INTS5: variants seen among roughly 807,000 people sequenced by gnomAD.
INTS5 encodes the protein KIAA1698.
INTS5 carries 29 observed loss-of-function variants against 60.0 expected under a neutral mutation model. That is an observed-to-expected ratio of 0.48 (90% confidence interval 0.36 to 0.66). INTS5 has a LOEUF of 0.66. Ranked by LOEUF, INTS5 falls within the 30% of genes least tolerant of loss-of-function variation. INTS5 has a pLI of 0.00. For synonymous variants in INTS5, 588 were observed against 558.8 expected (o/e 1.05, Z -0.74); for missense variants, 1,129 against 1,307.9 (o/e 0.86, Z 2.11).
At position 62,647,790 on chromosome 11, in the gene INTS5, C is replaced by T; in HGVS notation, c.2290G>A (p.Val764Ile). The part of the protein sequence containing the change: ...IGRGLKPPKF[V>I]QSRNQQEVIY... ...ACTTCCTGCTGATTTCGTGACTGGA[C>T]AAACTTGGGTGGCTTTAAGCCACGG... Residue 764 changes from valine (V) to isoleucine (I), a missense_variant, in exon 2 of 2, where the codon GTC becomes ATC. Physicochemically the swap from Val to Ile is conservative, Grantham distance 29. This residue lies in a region of INTS5 where 1,070 missense variants were observed against 1,246.1 expected (regional missense o/e 0.86). Coordinates refer to ENST00000330574, the MANE Select transcript of INTS5 (RefSeq NM_030628.2). The T allele has an allele frequency of 1.2e-6, 2 of 1,614,206 alleles. No homozygotes were observed. The highest frequency in any genetic ancestry group is 1.1e-5 in the South Asian group (1 of 91,086).
Position 62,647,039 on chromosome 11 carries a change from A to G in INTS5, c.3041T>C (p.Leu1014Pro), listed in dbSNP as rs1944520964. 2 of 1,612,040 alleles carry G rather than the reference A, an allele frequency of 1.2e-6. No individual in the cohort carries two copies. The highest frequency in any genetic ancestry group is 1.7e-5 in the Admixed American group (1 of 59,912). The stretch of plus-strand genomic sequence containing the variant: ...AAAAGGCTACGTCCCCTGTCGAAGG[A>G]GAGTGGACGGTGAAGGTGCCTGGAA... Reference protein sequence around the residue: ...GRFQAPSPSTLLRQGT With the variant: ...GRFQAPSPSTPLRQGT The change falls in exon 2 of 2, where the codon CTC becomes CCC. Residue 1014 changes from leucine to proline, a missense_variant. Leu to Pro is a moderately conservative substitution (Grantham distance 98, BLOSUM62 -3). Around this residue, in one of 3 missense-constraint regions of INTS5, gnomAD observed 1,070 missense variants for 1,246.1 expected, o/e 0.86. Coordinates refer to ENST00000330574, the MANE Select transcript of INTS5 (RefSeq NM_030628.2).
rs1590837321 is a variant in INTS5, at chr11:62,648,333, C to G, written c.1747G>C (p.Gly583Arg). 1.2e-6 allele frequency: 2 copies of G among 1,613,972 alleles called. No homozygotes were observed. The highest frequency in any genetic ancestry group is 2.2e-5 in the South Asian group (2 of 91,084). The stretch of plus-strand genomic sequence containing the variant: ...CCCTCGCCACCCTGCTGTTCCCACC[C>G]TACTAGCAGTGCCAAGTTGCGCAGG... ...RFLRNLALLV[G>R]WEQQGGEGPA... Residue 583 changes from glycine (G) to arginine (R), a missense_variant, in exon 2 of 2, where the codon GGG becomes CGG. Transcript: ENST00000330574. This position sits in a 1 kb window ranked among gnomAD's most constrained non-coding sequence, Gnocchi z 4.4.
In INTS5 at chr11:62,648,986, G is replaced by A; in HGVS notation, c.1094C>T (p.Pro365Leu). The A allele has an allele frequency of 6.2e-7, 1 of 1,613,342 alleles. No homozygotes were observed. The highest frequency in any genetic ancestry group is 8.5e-7 in the Non-Finnish European group (1 of 1,179,744). The change falls in exon 2 of 2, where the codon CCC becomes CTC. Residue 365 changes from proline to leucine, a missense_variant. By Grantham distance (98) the Pro-to-Leu change is moderately conservative. Transcript: ENST00000330574. The surrounding 1 kb of genome is among the most constrained non-coding windows in gnomAD (Gnocchi z 4.4). ...CTGCAGCTGGCTCAGCACAGCTGGG[G>A]GCTTGAGGCAATCCACAAGCTCTCC... is the stretch of plus-strand genomic sequence containing the variant. ...VSGELVDCLK[P>L]PAVLSQLQQH...
At position 62,648,310 on chromosome 11, in the gene INTS5, C is replaced by G; in HGVS notation, c.1770G>C (p.Glu590Asp). The G allele has an allele frequency of 6.2e-7, 1 of 1,613,916 alleles. No individual in the cohort carries two copies. Among genetic ancestry groups the G allele is most frequent in the East Asian group, 2.2e-5 (1 of 44,884 alleles). ...LLVGWEQQGGEGPAALGAHFG... is the reference protein window; with the variant it reads ...LLVGWEQQGGDGPAALGAHFG... ...AGTGCGCCCCTAGGGCTGCAGGGCC[C>G]TCGCCACCCTGCTGTTCCCACCCTA... Residue 590 changes from glutamate to aspartate, a missense_variant, in exon 2 of 2, where the codon GAG becomes GAC. Coordinates refer to ENST00000330574, the MANE Select transcript of INTS5 (RefSeq NM_030628.2). The surrounding 1 kb of genome is among the most constrained non-coding windows in gnomAD (Gnocchi z 4.4).
Position 62,649,105 on chromosome 11 carries a change from A to C in INTS5, c.975T>G (p.Ser325=), listed in dbSNP as rs766274476. Residue 325 remains serine (S), a synonymous_variant, in exon 2 of 2, where the codon TCT becomes TCG. Coordinates refer to ENST00000330574, the MANE Select transcript of INTS5 (RefSeq NM_030628.2). This position sits in a 1 kb window ranked among gnomAD's most constrained non-coding sequence, Gnocchi z 6.0. ...RMFHDSLAGG[S]GGRSGDPSLQ... ...GGGAGGGGTCCCCACTGCGGCCTCC[A>C]GATCCCCCTGCCAGGCTATCATGGA... 1.7e-5 allele frequency: 28 copies of C among 1,611,012 alleles called. No homozygotes were observed. Among genetic ancestry groups the C allele is most frequent in the Middle Eastern group, 1.7e-4 (1 of 6,054 alleles).
Position 62,647,013 on chromosome 11 carries a change from G to C in INTS5, c.*7C>G, listed in dbSNP as rs770300596. ...CAACCTCCCTGGGCTTCCAGAGCAA[G>C]AAAAGGCTACGTCCCCTGTCGAAGG... On this transcript the variant is annotated 3_prime_UTR_variant, in exon 2 of 2. Coordinates refer to ENST00000330574, the MANE Select transcript of INTS5 (RefSeq NM_030628.2). 2 of 1,601,506 alleles carry C rather than the reference G, an allele frequency of 1.2e-6. No individual in the cohort carries two copies. Among genetic ancestry groups the C allele is most frequent in the East Asian group, 2.2e-5 (1 of 44,612 alleles).
chr11:62,652,372 C>A (rs1327193926), intron 1 of INTS5, among the ~76,000 whole-genome samples: 1 of 151,644 alleles, frequency 6.6e-6, no homozygotes, highest in Non-Finnish European at 1.5e-5. Context: ...TACCACCACC[C>A]CCGCCCCGCC....
In INTS5 at chr11:62,647,990, A is replaced by G. The variant is rs1944549618; in HGVS notation, c.2090T>C (p.Leu697Ser). 6.2e-7 allele frequency: 1 copy of G among 1,614,182 alleles called. No homozygotes were observed. Among genetic ancestry groups the G allele is most frequent in the East Asian group, 2.2e-5 (1 of 44,888 alleles). The stretch of plus-strand genomic sequence containing the variant: ...AAACAGTTCTGTGTTGCCTCGATGT[A>G]AGGCTCCTTCAACCAGCAGCTGCAG... ...AVLQLLVEGA[L>S]HRGNTELFGG... The change falls in exon 2 of 2, where the codon TTA becomes TCA. Residue 697 changes from leucine (L) to serine (S), a missense_variant. Physicochemically the swap from Leu to Ser is moderately radical, Grantham distance 145 (BLOSUM62 -2). Transcript: ENST00000330574.
chr11:62,650,070 G>A lies in INTS5; in HGVS notation c.81-71C>T, dbSNP rs549510230. On this transcript the variant is annotated intron_variant, in intron 1 of 1. Transcript: ENST00000330574. Reference sequence around the variant, plus strand: ...TAGGCAACTTACCTTTCCTGTATGAGCTTTGCCTTTTATGTTAAATAGGGA... The same window carrying A: ...TAGGCAACTTACCTTTCCTGTATGAACTTTGCCTTTTATGTTAAATAGGGA... 5 of 1,249,806 alleles carry A rather than the reference G, an allele frequency of 4.0e-6. No individual in the cohort carries two copies. The East Asian group carries it at 1.2e-4, about 30-fold the overall frequency. The allele number at this position is 1,249,806 out of a possible 1,614,324, so 77.4% of individuals were successfully genotyped here.
rs761353889 is a variant in INTS5, at chr11:62,648,989, T to C, written c.1091A>G (p.Lys364Arg). 10 of 1,613,354 alleles carry C rather than the reference T, an allele frequency of 6.2e-6. No individual in the cohort carries two copies. The highest frequency in any genetic ancestry group is 5.5e-5 in the South Asian group (5 of 91,062). ...TVSGELVDCL[K>R]PPAVLSQLQQ... is the part of the protein sequence containing the mutation. ...CAGCTGGCTCAGCACAGCTGGGGGC[T>C]TGAGGCAATCCACAAGCTCTCCAGA... Residue 364 changes from lysine (K) to arginine (R), a missense_variant, in exon 2 of 2, where the codon AAG (lysine) becomes AGG (arginine). This residue lies in a region of INTS5 where 1,070 missense variants were observed against 1,246.1 expected (regional missense o/e 0.86). Transcript: ENST00000330574. This position sits in a 1 kb window ranked among gnomAD's most constrained non-coding sequence, Gnocchi z 4.4.
intron 1 of INTS5, among the ~76,000 whole-genome samples, chr11:62,650,406 G>A (rs1046290308): frequency 3.3e-5 from 5 of 151,370 alleles, no homozygotes; most frequent in African/African-American, 7.3e-5. Context: ...GTGAGCCACC[G>A]CGCCCGGCCT....
Position 62,649,611 on chromosome 11 carries a change from T to G in INTS5, c.469A>C (p.Ser157Arg). The G allele has an allele frequency of 6.2e-7, 1 of 1,614,188 alleles. No individual in the cohort carries two copies. The highest frequency in any genetic ancestry group is 8.5e-7 in the Non-Finnish European group (1 of 1,180,032). The change falls in exon 2 of 2, where the codon AGC becomes CGC. Residue 157 changes from serine (S) to arginine (R), a missense_variant. By Grantham distance (110) the Ser-to-Arg change is moderately radical. This residue lies in a region of INTS5 where 1,070 missense variants were observed against 1,246.1 expected (regional missense o/e 0.86). Transcript: ENST00000330574. The surrounding 1 kb of genome is among the most constrained non-coding windows in gnomAD (Gnocchi z 6.0). ...WSIDLMGQLSSTYSGQHQRVP... is the reference protein window; with the variant it reads ...WSIDLMGQLSRTYSGQHQRVP... ...CGCTGGTGCTGGCCTGAGTACGTGC[T>G]GCTCAGTTGCCCCATGAGGTCAATG... is the stretch of plus-strand genomic sequence containing the variant.
Position 62,649,277 on chromosome 11 carries a change from G to A in INTS5, c.803C>T (p.Ser268Phe). The part of the protein sequence containing the change: ...GGAGSSGGSS[S>F]QTPSTDPFPG... ...GAAGGGGTCTGTAGAGGGGGTCTGA[G>A]AAGAGCTTCCACCACTACTGCCAGC... Residue 268 changes from serine (S) to phenylalanine (F), a missense_variant, in exon 2 of 2, where the codon TCT becomes TTT. Physicochemically the swap from Ser to Phe is radical, Grantham distance 155. Around this residue, in one of 3 missense-constraint regions of INTS5, gnomAD observed 1,070 missense variants for 1,246.1 expected, o/e 0.86. Transcript: ENST00000330574. This position sits in a 1 kb window ranked among gnomAD's most constrained non-coding sequence, Gnocchi z 6.0. 1 of 1,614,132 alleles carries A rather than the reference G, an allele frequency of 6.2e-7. No homozygotes were observed. The highest frequency in any genetic ancestry group is 8.5e-7 in the Non-Finnish European group (1 of 1,180,008).
rs371852410 is a variant in INTS5, at chr11:62,649,558, A to G, written c.522T>C (p.Asn174=). 6.9e-5 allele frequency: 111 copies of G among 1,614,088 alleles called. No individual in the cohort carries two copies. Among genetic ancestry groups the G allele is most frequent in the Non-Finnish European group, 9.0e-5 (106 of 1,180,030 alleles). ...QRVPHATGAL[N]ELLQLWMGCR... ...AACCCATCCACAGCTGTAGCAGTTC[A>G]TTAAGAGCGCCAGTAGCGTGGGGAA... Residue 174 remains asparagine (N), a synonymous_variant, in exon 2 of 2, where the codon AAT becomes AAC. Coordinates refer to ENST00000330574, the MANE Select transcript of INTS5 (RefSeq NM_030628.2). The surrounding 1 kb of genome is among the most constrained non-coding windows in gnomAD (Gnocchi z 6.0).
Position 62,648,796 on chromosome 11 carries a change from T to C in INTS5, c.1284A>G (p.Pro428=). 1.2e-6 allele frequency: 2 copies of C among 1,614,164 alleles called. No homozygotes were observed. The highest frequency in any genetic ancestry group is 1.7e-6 in the Non-Finnish European group (2 of 1,180,038). ...GGTCACAAGCCTCACGCACGGTGTC[T>C]GGCACAGCCAGGCCCTGGGTGGTAA... ...SVITTQGLAV[P]DTVREACDRL... Residue 428 remains proline (P), a synonymous_variant, in exon 2 of 2, where the codon CCA becomes CCG. Coordinates refer to ENST00000330574, the MANE Select transcript of INTS5 (RefSeq NM_030628.2). This position sits in a 1 kb window ranked among gnomAD's most constrained non-coding sequence, Gnocchi z 4.4.
Position 62,649,675 on chromosome 11 carries a change from G to T in INTS5, c.405C>A (p.Ala135=). 9 of 1,614,216 alleles carry T rather than the reference G, an allele frequency of 5.6e-6. No homozygotes were observed. The highest frequency in any genetic ancestry group is 7.6e-6 in the Non-Finnish European group (9 of 1,180,042). The change falls in exon 2 of 2, where the codon GCC becomes GCA. Residue 135 remains alanine (A), a synonymous_variant. Transcript: ENST00000330574. This position sits in a 1 kb window ranked among gnomAD's most constrained non-coding sequence, Gnocchi z 6.0. Reference sequence around the variant, plus strand: ...TCACAGGTGCCCAGGCCTTTGGGTTGGCCCGGATAAACTCAGACAGCACCT... The same window carrying T: ...TCACAGGTGCCCAGGCCTTTGGGTTTGCCCGGATAAACTCAGACAGCACCT... The part of the protein sequence containing the change: ...VQQVLSEFIR[A]NPKAWAPVIS...
rs1944555347 is a variant in INTS5, at chr11:62,648,161, G to A, written c.1919C>T (p.Ser640Phe). 3.7e-6 allele frequency: 6 copies of A among 1,613,384 alleles called. No homozygotes were observed. Among genetic ancestry groups the A allele is most frequent in the Non-Finnish European group, 3.4e-6 (4 of 1,179,604 alleles). Residue 640 changes from serine (S) to phenylalanine (F), a missense_variant, in exon 2 of 2, where the codon TCC (serine) becomes TTC (phenylalanine). By Grantham distance (155) the Ser-to-Phe change is radical. Coordinates refer to ENST00000330574, the MANE Select transcript of INTS5 (RefSeq NM_030628.2). The surrounding 1 kb of genome is among the most constrained non-coding windows in gnomAD (Gnocchi z 4.4). ...AICPFPSEAL[S>F]PSQLLGLVRA... ...TACCAGTCCCAGGAGCTGGGAGGGG[G>A]ATAAGGCTTCAGAAGGAAAGGGACA... is the stretch of plus-strand genomic sequence containing the variant.
chr11:62,652,632 C>A lies in INTS5; in HGVS notation c.80+538G>T, dbSNP rs1039567269. ...CTCCTAAAACATATATGGGTTCAGT[C>A]TCAGAGGTTCAGAAGCCAATGTTAT... On this transcript the variant is annotated intron_variant, in intron 1 of 1. Coordinates refer to ENST00000330574, the MANE Select transcript of INTS5 (RefSeq NM_030628.2). Among the ~76,000 whole-genome samples the A allele has an allele frequency of 9.2e-5, 14 of 152,240 alleles. No individual in the cohort carries two copies. In the South Asian group the frequency reaches 1.9e-3, roughly 20 times the overall value.
Position 62,648,931 on chromosome 11 carries a change from C to G in INTS5, c.1149G>C (p.Glu383Asp), listed in dbSNP as rs773507778. 3.1e-6 allele frequency: 5 copies of G among 1,613,000 alleles called. No homozygotes were observed. The highest frequency in any genetic ancestry group is 4.2e-6 in the Non-Finnish European group (5 of 1,179,424). Residue 383 changes from glutamate to aspartate, a missense_variant, in exon 2 of 2, where the codon GAG becomes GAC. Coordinates refer to ENST00000330574, the MANE Select transcript of INTS5 (RefSeq NM_030628.2). The surrounding 1 kb of genome is among the most constrained non-coding windows in gnomAD (Gnocchi z 4.4). Reference protein sequence around the residue: ...QQHLQGFPREELDNMLNLAVH... With the variant: ...QQHLQGFPREDLDNMLNLAVH... Reference sequence around the variant, plus strand: ...CAGCCAGGTTCAACATGTTGTCCAGCTCCTCTCGGGGGAATCCTTGAAGGT... The same window carrying G: ...CAGCCAGGTTCAACATGTTGTCCAGGTCCTCTCGGGGGAATCCTTGAAGGT...
Sources: allele counts gnomAD v4.1 joint callset (sites outside exome capture counted in the v4.1 genomes callset), GRCh38; gene constraint gnomAD v4.1.1; regional missense constraint gnomAD v4.1.1; non-coding constraint Gnocchi (gnomAD v3.1); transcripts MANE v1.5; gene names NCBI Gene and HGNC (gene_info 2026-07-23, HGNC 2026-07-21).